The following PTPRD variants were observed in gnomAD, a reference collection of about 807,000 sequenced individuals.
PTPRD encodes receptor-type tyrosine-protein phosphatase delta.
PTPRD carries 34 observed loss-of-function variants against 214.5 expected under a neutral mutation model. The observed-to-expected ratio is 0.16, with a 90% CI of 0.12 to 0.21. PTPRD has a LOEUF of 0.21. Ranked by LOEUF, PTPRD falls within the 10% of genes least tolerant of loss-of-function variation. The probability of loss-of-function intolerance (pLI) is 1.00; values close to 1 mark genes in which losing one functional copy is unlikely to be tolerated. For synonymous variants in PTPRD, 1,128 were observed against 845.7 expected (o/e 1.33, Z -5.79); for missense variants, 2,545 against 2,398.7 (o/e 1.06, Z -1.27).
At chr9:9,376,350 T>G (rs552601913) in intron 9 of PTPRD, among the ~76,000 whole-genome samples, 2 of 152,188 alleles carry the variant, frequency 1.3e-5, no homozygotes, top group Admixed American at 6.5e-5. Flanking sequence ...AATTTGACTT[T>G]GGCTATAGAC....
chr9:10,216,595 A>G (rs1014071112), intron 3 of PTPRD, among the ~76,000 whole-genome samples: 1 of 151,992 alleles, frequency 6.6e-6, no homozygotes, highest in Non-Finnish European at 1.5e-5. Context: ...AGAGAATACT[A>G]AAAATGCATA....
chr9:8,544,104 G>A (rs977720825), intron 14 of PTPRD, among the ~76,000 whole-genome samples: 3 of 151,780 alleles, frequency 2.0e-5, no homozygotes, highest in East Asian at 1.9e-4. Flanking sequence ...TCCATTTGCT[G>A]GGAACCTATT....
At position 8,921,714 on chromosome 9, in the gene PTPRD, G is replaced by C. The variant is rs35841018; in HGVS notation, c.-104+96983C>G. Among the ~76,000 whole-genome samples the C allele has an allele frequency of 1.3e-4, 20 of 151,888 alleles. No individual in the cohort carries two copies. The South Asian group carries it at 3.9e-3, about 30-fold the overall frequency. ...TCACCATGTTGGCCAGGCTAGTCTC[G>C]AACTCCCGACCTCAAGTGATCCACC... On this transcript the variant is annotated intron_variant, in intron 11 of 45. Transcript: ENST00000381196.
chr9:8,754,208 A>T (rs534918193), intron 11 of PTPRD, among the ~76,000 whole-genome samples: 1 of 152,326 alleles, frequency 6.6e-6, no homozygotes, highest in African/African-American at 2.4e-5. Flanking sequence ...AATTCACTGT[A>T]ATCCCAATAT....
intron 3 of PTPRD, among the ~76,000 whole-genome samples, chr9:10,325,094 T>C (rs2096620101): frequency 6.6e-6 from 1 of 152,070 alleles, no homozygotes; most frequent in South Asian, 2.1e-4. Flanking sequence ...CCCAATCTAC[T>C]ACTCAGTGTA....
chr9:10,431,465 C>T (rs929613502), intron 2 of PTPRD, among the ~76,000 whole-genome samples: 1 of 152,018 alleles, frequency 6.6e-6, no homozygotes, highest in Non-Finnish European at 1.5e-5. Flanking sequence ...AGCTTCTGCA[C>T]AGCAGAAGAA....
chr9:10,503,754 G>C (rs2044707540), intron 2 of PTPRD, among the ~76,000 whole-genome samples: 1 of 151,934 alleles, frequency 6.6e-6, no homozygotes, highest in Non-Finnish European at 1.5e-5. Context: ...ATACGTGCTA[G>C]GAAGGAAAAT....
intron 9 of PTPRD, among the ~76,000 whole-genome samples, chr9:9,327,786 T>G (rs140019409): frequency 4.5e-4 from 68 of 152,150 alleles, no homozygotes; most frequent in African/African-American, 1.6e-3. Flanking sequence ...CAGCATAAAA[T>G]GTATGATAGC....
At chr9:10,470,043 G>A (rs2099020167) in intron 2 of PTPRD, among the ~76,000 whole-genome samples, 1 of 151,928 alleles carries the variant, frequency 6.6e-6, no homozygotes, top group Non-Finnish European at 1.5e-5. Context: ...TTGGTTAACA[G>A]GTAGTGTTTG....
At chr9:10,496,747 A>T (rs1391111083) in intron 2 of PTPRD, among the ~76,000 whole-genome samples, 1 of 152,062 alleles carries the variant, frequency 6.6e-6, no homozygotes. Context: ...GGCTGCTTGT[A>T]TATCTTCTTT....
intron 34 of PTPRD, among the ~76,000 whole-genome samples, chr9:8,438,223 A>G (rs545303891): frequency 6.6e-6 from 1 of 152,328 alleles, no homozygotes; most frequent in Admixed American, 6.5e-5. Flanking sequence ...AAGTTCCTTT[A>G]TCTCAAATGC....
intron 16 of PTPRD, 94 bp downstream of exon 16, chr9:8,527,250 TA>T (rs1282548902): frequency 4.4e-6 from 6 of 1,351,044 alleles, no homozygotes; most frequent in Non-Finnish European, 5.2e-6. Flanking sequence ...TGACAGTTAG[TA>T]AAATGCATGC....
intron 2 of PTPRD, among the ~76,000 whole-genome samples, chr9:10,542,033 C>A (rs140698698): frequency 6.6e-6 from 1 of 152,014 alleles, no homozygotes; most frequent in Admixed American, 6.5e-5. Flanking sequence ...AATTAATGCA[C>A]GTGGCCAATT....
At chr9:8,438,483 T>C (rs532106175) in intron 34 of PTPRD, among the ~76,000 whole-genome samples, 1 of 152,300 alleles carries the variant, frequency 6.6e-6, no homozygotes, top group East Asian at 1.9e-4. Flanking sequence ...TCTGTATTAA[T>C]GATAGAACTG....
At chr9:9,633,283 G>C (rs923252675) in intron 7 of PTPRD, among the ~76,000 whole-genome samples, 3 of 151,652 alleles carry the variant, frequency 2.0e-5, no homozygotes, top group Non-Finnish European at 4.4e-5. Flanking sequence ...GCCTGGGAGA[G>C]AGAGTGAGAC....
chr9:10,015,804 G>C (rs2096698015), intron 4 of PTPRD, among the ~76,000 whole-genome samples: 1 of 152,280 alleles, frequency 6.6e-6, no homozygotes. Context: ...TCCTCTGGTA[G>C]GATCTAGAAA....
chr9:10,201,171 C>T (rs1300684785), intron 3 of PTPRD, among the ~76,000 whole-genome samples: 5 of 151,904 alleles, frequency 3.3e-5, no homozygotes, highest in African/African-American at 1.2e-4. Flanking sequence ...ATACATACTC[C>T]AATGCTTCTG....
chr9:10,463,598 T>G (rs1208404944), intron 2 of PTPRD, among the ~76,000 whole-genome samples: 1 of 151,976 alleles, frequency 6.6e-6, no homozygotes, highest in Non-Finnish European at 1.5e-5. Context: ...GGAAATAGTC[T>G]TAAATTTCAA....
rs1482012853 is a variant in PTPRD, at chr9:8,804,575, G to C, written c.-103-70629C>G. On this transcript the variant is annotated intron_variant, in intron 11 of 45. Transcript: ENST00000381196. Reference sequence around the variant, plus strand: ...TCACGCCAATGCACTGCAGTCCCGTGTGACAGAGAGACACTCTGTCTCCAA... The same window carrying C: ...TCACGCCAATGCACTGCAGTCCCGTCTGACAGAGAGACACTCTGTCTCCAA... Among the ~76,000 whole-genome samples, 6 of 152,166 alleles carry C rather than the reference G, an allele frequency of 3.9e-5. No individual in the cohort carries two copies. The East Asian group carries it at 1.2e-3, about 30-fold the overall frequency.
Sources: gnomAD v4.1 joint callset for allele counts (sites outside exome capture counted in the v4.1 genomes callset) on GRCh38, gnomAD v4.1.1 for gene constraint, MANE v1.5 for transcripts, NCBI Gene and HGNC (gene_info 2026-07-23, HGNC 2026-07-21) for gene names.